Variants in INPP4B observed in about 807,000 individuals in gnomAD.
INPP4B encodes the protein inositol polyphosphate 4-phosphatase type II.
INPP4B carries 55 observed loss-of-function variants against 122.5 expected under a neutral mutation model. That is an observed-to-expected ratio of 0.45 (90% CI 0.36 to 0.56). The LOEUF is 0.56. INPP4B is among the 20% of genes least tolerant of loss of function. The pLI is 0.00. For synonymous variants in INPP4B, 403 were observed against 388.7 expected (o/e 1.04, Z -0.43); for missense variants, 1,000 against 1,097.7 (o/e 0.91, Z 1.26).
intron 2 of INPP4B, among the ~76,000 whole-genome samples, chr4:142,681,603 T>G (rs1364342862): frequency 6.7e-6 from 1 of 149,292 alleles, no homozygotes; most frequent in Non-Finnish European, 1.5e-5. Context: ...GAAGGGAGAG[T>G]GACAGAGGAA....
At chr4:142,374,496 G>T (rs1410883158) in intron 7 of INPP4B, among the ~76,000 whole-genome samples, 1 of 151,738 alleles carries the variant, frequency 6.6e-6, no homozygotes. Flanking sequence ...TTTTTGAGAT[G>T]GTATGGGAAA....
intron 12 of INPP4B, among the ~76,000 whole-genome samples, chr4:142,230,767 TG>T (rs1853984287): frequency 6.6e-6 from 1 of 152,134 alleles, no homozygotes; most frequent in Admixed American, 6.5e-5. Flanking sequence ...ATAGTGAGCA[TG>T]TATTATTTTC....
intron 25 of INPP4B, among the ~76,000 whole-genome samples, chr4:142,078,779 C>T (rs78827102): frequency 0.019 from 2,843 of 151,942 alleles, 33 homozygotes; most frequent in Non-Finnish European, 0.029. Flanking sequence ...CTTTATTTTT[C>T]CCTTGAGTTT....
At chr4:142,522,910 G>T (rs1826290324) in intron 2 of INPP4B, among the ~76,000 whole-genome samples, 2 of 152,098 alleles carry the variant, frequency 1.3e-5, no homozygotes, top group Non-Finnish European at 1.5e-5. Flanking sequence ...CATGTAAAGG[G>T]TGTTCAAAAT....
rs1579972191 is a variant in INPP4B at position 142,405,391 on chromosome 4, C to T, written c.137-67G>A. On this transcript the variant is annotated intron_variant, in intron 5 of 25. Coordinates refer to ENST00000262992, the MANE Select transcript of INPP4B (RefSeq NM_001101669.3). The stretch of plus-strand genomic sequence containing the variant: ...CATATCTCAGGGAAAACTTCTGCGC[C>T]GGGCTGAAAGTGAACTTAGCTACAG... 4.0e-6 allele frequency: 4 copies of T among 1,000,146 alleles called. No homozygotes were observed. The East Asian group carries it at 7.3e-5, about 18-fold the overall frequency. 62.0% of individuals were successfully genotyped at this position (1,000,146 alleles called of 1,614,324 possible). A position where few individuals can be genotyped will look rare whatever the true frequency, so the allele number is the denominator to read the frequency against.
rs1018221813 is a variant in INPP4B at position 142,510,887 on chromosome 4, C to A, written c.-190-48161G>T. 5.3e-5 allele frequency among the ~76,000 whole-genome samples: 8 copies of A among 152,182 alleles called. No homozygotes were observed. In the East Asian group the frequency reaches 1.5e-3, roughly 29 times the overall value. ...ATAGGCAAAGAATGTTTTTAAATCA[C>A]CAAACTAAAATAAACCTAAAGATCA... On this transcript the variant is annotated intron_variant, in intron 2 of 25. Transcript: ENST00000262992.
chr4:142,249,771 C>T (rs1432973881), intron 11 of INPP4B, among the ~76,000 whole-genome samples: 1 of 152,236 alleles, frequency 6.6e-6, no homozygotes. Flanking sequence ...ATTAATACTA[C>T]CAGAGCCCAT....
At chr4:142,429,077 G>A (rs1808731765) in intron 5 of INPP4B, 96 bp downstream of exon 5, 1 of 603,750 alleles carries the variant, frequency 1.7e-6, no homozygotes, top group African/African-American at 1.9e-5. Flanking sequence ...ATAAAAATTT[G>A]TCAAATATGT....
intron 7 of INPP4B, among the ~76,000 whole-genome samples, chr4:142,323,141 C>T (rs112851873): frequency 0.011 from 1,615 of 152,206 alleles, 25 homozygotes; most frequent in African/African-American, 0.035. Flanking sequence ...TTTTAGGAAA[C>T]GTTCCTTAAA....
At position 142,270,565 on chromosome 4, in the gene INPP4B, T is replaced by A. The variant is rs1294768299; in HGVS notation, c.615+98A>T. 3.7e-6 allele frequency: 3 copies of A among 814,172 alleles called. No homozygotes were observed. The African/African-American group carries it at 5.1e-5, about 14-fold the overall frequency. 50.4% of individuals were successfully genotyped at this position (814,172 alleles called of 1,614,324 possible). On this transcript the variant is annotated intron_variant, in intron 10 of 25. Transcript: ENST00000262992. ...TGTTGTCCCATTTAGGTTTTGATAA[T>A]GAGATTTCAAACCCCACAGAGATGT...
chr4:142,841,777 G>A (rs1426664583), intron 1 of INPP4B, among the ~76,000 whole-genome samples: 4 of 151,762 alleles, frequency 2.6e-5, no homozygotes, highest in Non-Finnish European at 5.9e-5. Context: ...TTTGATCTTG[G>A]AAGATGCTTT....
At chr4:142,735,428 T>C (rs1238537115) in intron 1 of INPP4B, among the ~76,000 whole-genome samples, 1 of 152,188 alleles carries the variant, frequency 6.6e-6, no homozygotes, top group African/African-American at 2.4e-5. Flanking sequence ...AATCCTTCAG[T>C]ACTGCCAAAC....
At chr4:142,749,168 T>C (rs1034643940) in intron 1 of INPP4B, among the ~76,000 whole-genome samples, 1 of 147,476 alleles carries the variant, frequency 6.8e-6, no homozygotes, top group African/African-American at 2.5e-5. Flanking sequence ...ATATATATTA[T>C]GTATTATACC....
intron 2 of INPP4B, among the ~76,000 whole-genome samples, chr4:142,650,867 G>A (rs184783171): frequency 1.4e-3 from 215 of 152,122 alleles, no homozygotes; most frequent in African/African-American, 4.5e-3. Flanking sequence ...TGGATCAAGC[G>A]GACCTAATAG....
chr4:142,035,789 A>G (rs1009007035), intron 25 of INPP4B, among the ~76,000 whole-genome samples: 2 of 152,190 alleles, frequency 1.3e-5, no homozygotes, highest in Non-Finnish European at 2.9e-5. Context: ...TAATTCTGGC[A>G]ATGAGGAGAA....
At chr4:142,414,868 T>G (rs1198198955) in intron 5 of INPP4B, among the ~76,000 whole-genome samples, 1 of 152,230 alleles carries the variant, frequency 6.6e-6, no homozygotes, top group Non-Finnish European at 1.5e-5. Flanking sequence ...CAACAAGTGT[T>G]TGCAGCTTTC....
chr4:142,041,289 C>A (rs758714066), intron 25 of INPP4B, among the ~76,000 whole-genome samples: 1 of 152,026 alleles, frequency 6.6e-6, no homozygotes, highest in Non-Finnish European at 1.5e-5. Context: ...GTACTCAGAA[C>A]GTGCTCAATA....
chr4:142,630,159 G>T (rs1215365775), intron 2 of INPP4B, among the ~76,000 whole-genome samples: 1 of 152,088 alleles, frequency 6.6e-6, no homozygotes. Context: ...GGTAAATTCA[G>T]CATCTAAAGA....
intron 3 of INPP4B, among the ~76,000 whole-genome samples, chr4:142,458,065 G>T (rs1815869077): frequency 6.6e-6 from 1 of 152,042 alleles, no homozygotes; most frequent in Non-Finnish European, 1.5e-5. Context: ...CAATCCTAAA[G>T]ATCTTCAAAT....
Sources: gnomAD v4.1 joint callset for allele counts (sites outside exome capture counted in the v4.1 genomes callset) on GRCh38, gnomAD v4.1.1 for gene constraint, MANE v1.5 for transcripts, NCBI Gene and HGNC (gene_info 2026-07-23, HGNC 2026-07-21) for gene names.